Variants in SETD6 observed in about 807,000 individuals in gnomAD.
SETD6 encodes the protein N-lysine methyltransferase SETD6.
Under a neutral mutation model 52.7 loss-of-function variants are expected in SETD6, and 67 were observed. That is an observed-to-expected ratio of 1.27 (90% CI 1.04 to 1.56). The LOEUF is 1.56. SETD6 is among the 40% of genes most tolerant of loss of function. The pLI is 0.00. For missense variants in SETD6, 712 were observed against 607.5 expected (o/e 1.17, Z -1.81); for synonymous variants, 307 against 250.2 (o/e 1.23, Z -2.14).
chr16:58,515,560 C>T lies in SETD6; in HGVS notation c.23C>T (p.Pro8Leu), dbSNP rs1309318825. The T allele has an allele frequency of 1.9e-6, 3 of 1,586,958 alleles. No homozygotes were observed. Among genetic ancestry groups the T allele is most frequent in the Non-Finnish European group, 2.6e-6 (3 of 1,170,892 alleles). ...ACCATGGCGACCCAGGCGAAGCGTCCACGGGTGAGTGGCGGGCGCGGGGTC... is the reference window on the plus strand; with the variant it reads ...ACCATGGCGACCCAGGCGAAGCGTCTACGGGTGAGTGGCGGGCGCGGGGTC... MATQAKR[P>L]RVAGPVDGGD... Residue 8 changes from proline (P) to leucine (L), a missense_variant, in exon 1 of 8, where the codon CCA (proline) becomes CTA (leucine). Coordinates refer to ENST00000219315, the MANE Select transcript of SETD6 (RefSeq NM_001160305.4).
In SETD6 at chr16:58,522,555, A is replaced by AGTGTGT. The variant is rs10701404; in HGVS notation, c.*3537_*3542dup. Among the ~76,000 whole-genome samples, 3 of 151,500 alleles carry AGTGTGT rather than the reference A, an allele frequency of 2.0e-5. No individual in the cohort carries two copies. Among genetic ancestry groups the AGTGTGT allele is most frequent in the South Asian group, 2.1e-4 (1 of 4,798 alleles). On this transcript the variant is annotated 3_prime_UTR_variant, in exon 8 of 8. Transcript: ENST00000219315. ...TTTAAGAGTCTGGCCCAATTTTTAAAGTGTGTGTGTGTGTGTATCACAATC... is the reference window on the plus strand; with the variant it reads ...TTTAAGAGTCTGGCCCAATTTTTAAAGTGTGTGTGTGTGTGTGTGTGTATCACAATC...
In SETD6 at chr16:58,518,748, T is replaced by C; in HGVS notation, c.1141T>C (p.Phe381Leu). Residue 381 changes from phenylalanine to leucine, a missense_variant, in exon 8 of 8, where the codon TTC becomes CTC. Coordinates refer to ENST00000219315, the MANE Select transcript of SETD6 (RefSeq NM_001160305.4). Reference protein sequence around the residue: ...LKVLCMPAEEFRELKDQDGGG... With the variant: ...LKVLCMPAEELRELKDQDGGG... ...GGTACTGTGCATGCCTGCTGAGGAG[T>C]TCAGAGAGCTTAAAGACCAGGATGG... is the stretch of plus-strand genomic sequence containing the variant. The C allele has an allele frequency of 1.9e-6, 3 of 1,613,708 alleles. No individual in the cohort carries two copies. The highest frequency in any genetic ancestry group is 2.5e-6 in the Non-Finnish European group (3 of 1,179,938).
Position 58,515,792 on chromosome 16 carries a change from T to G in SETD6, c.29T>G (p.Val10Gly), listed in dbSNP as rs2039106262. The G allele has an allele frequency of 2.0e-6, 3 of 1,504,750 alleles. No individual in the cohort carries two copies. The highest frequency in any genetic ancestry group is 2.6e-6 in the Non-Finnish European group (3 of 1,136,112). The allele number at this position is 1,504,750 out of a possible 1,614,324, so 93.2% of individuals were successfully genotyped here. ...GGTCACTGCGCGCACTTATCTCAGG[T>G]GGCGGGGCCCGTGGACGGCGGCGAC... is the stretch of plus-strand genomic sequence containing the variant. MATQAKRPR[V>G]AGPVDGGDLD... is the part of the protein sequence containing the mutation. Residue 10 changes from valine to glycine, a missense_variant and splice_region_variant, in exon 2 of 8, where the codon GTG (valine) becomes GGG (glycine). Val to Gly is a moderately radical substitution (Grantham distance 109, BLOSUM62 -3). Coordinates refer to ENST00000219315, the MANE Select transcript of SETD6 (RefSeq NM_001160305.4).
rs2039397480 is a variant in SETD6 at position 58,522,005 on chromosome 16, C to G, written c.*2976C>G. On this transcript the variant is annotated 3_prime_UTR_variant, in exon 8 of 8. Transcript: ENST00000219315. ...AAGCTCACTCTCAATAAAAAGGAAA[C>G]AGAAAATAAGAATTAAGTATTCTAA... 6.6e-6 allele frequency among the ~76,000 whole-genome samples: 1 copy of G among 151,522 alleles called. No individual in the cohort carries two copies. Among genetic ancestry groups the G allele is most frequent in the Non-Finnish European group, 1.5e-5 (1 of 67,900 alleles).
intron 2 of SETD6, 49 bp from the exon 3 acceptor site, chr16:58,516,153 C>CCGGG: frequency 9.5e-7 from 1 of 1,051,522 alleles, no homozygotes; most frequent in Non-Finnish European, 1.2e-6. Flanking sequence ...GCGGGGCGGG[C>CCGGG]CCGGCCCGCG....
intron 5 of SETD6, 94 bp downstream of exon 5, chr16:58,517,022 G>A (rs753760336): frequency 1.2e-5 from 19 of 1,566,854 alleles, no homozygotes; most frequent in Non-Finnish European, 8.8e-7. Context: ...AAATGAGTAG[G>A]TGAAATCAGC....
At chr16:58,515,651 T>C in intron 1 of SETD6, 87 bp downstream of exon 1, 1 of 1,415,542 alleles carries the variant, frequency 7.1e-7, no homozygotes, top group Non-Finnish European at 9.2e-7. Flanking sequence ...CCCCCTCCGC[T>C]CCCTCCCGCG....
Position 58,523,289 on chromosome 16 carries a change from C to T in SETD6, c.*4260C>T, listed in dbSNP as rs951050502. 2.1e-6 allele frequency: 3 copies of T among 1,404,338 alleles called. No homozygotes were observed. In the South Asian group the frequency reaches 4.5e-5, roughly 21 times the overall value. The allele number at this position is 1,404,338 out of a possible 1,614,324, so 87.0% of individuals were successfully genotyped here. ...CAACCAAACGGATTTTCACTGAACA[C>T]TGAAAGCATAAAGAGGAAAAAAAAA... On this transcript the variant is annotated 3_prime_UTR_variant, in exon 8 of 8. Transcript: ENST00000219315.
chr16:58,521,167 ATTACT>A lies in SETD6; in HGVS notation c.*2141_*2145del. On this transcript the variant is annotated 3_prime_UTR_variant, in exon 8 of 8. Transcript: ENST00000219315. ...CAGTCTCATTCCTAGACAATTAAAA[ATTACT>A]TTGAACTCACTTTTCGATTTCTGGG... The A allele has an allele frequency of 6.2e-7, 1 of 1,612,974 alleles. No individual in the cohort carries two copies. Among genetic ancestry groups the A allele is most frequent in the Non-Finnish European group, 8.5e-7 (1 of 1,179,718 alleles).
intron 5 of SETD6, 25 bp downstream of exon 5, chr16:58,516,953 C>T (rs2039183843): frequency 6.2e-6 from 10 of 1,614,062 alleles, no homozygotes; most frequent in Non-Finnish European, 7.6e-6. Context: ...TCTTGGTGCA[C>T]TGATTGAGCA....
chr16:58,520,800 A>T lies in SETD6; in HGVS notation c.*1771A>T, dbSNP rs911686658. 29 of 717,074 alleles carry T rather than the reference A, an allele frequency of 4.0e-5. No homozygotes were observed. The South Asian group carries it at 5.3e-4, about 13-fold the overall frequency. The allele number at this position is 717,074 out of a possible 1,614,324, so 44.4% of individuals were successfully genotyped here. A position where few individuals can be genotyped will look rare whatever the true frequency, so the allele number is the denominator to read the frequency against. On this transcript the variant is annotated 3_prime_UTR_variant, in exon 8 of 8. Transcript: ENST00000219315. ...CATTTAAACTTTGGAACGTGCCCAC[A>T]TAAGACAGGAGGCTGATCCCAACAG... is the stretch of plus-strand genomic sequence containing the variant.
chr16:58,515,755 G>C (rs2039104026), intron 1 of SETD6, 36 bp from the exon 2 acceptor site: 2 of 1,432,562 alleles, frequency 1.4e-6, no homozygotes. Flanking sequence ...GGCCTCTCTG[G>C]GGGTCGGACC....
At position 58,521,185 on chromosome 16, in the gene SETD6, T is replaced by C. The variant is rs1440321266; in HGVS notation, c.*2156T>C. The C allele has an allele frequency of 6.2e-7, 1 of 1,613,192 alleles. No homozygotes were observed. The highest frequency in any genetic ancestry group is 2.2e-5 in the East Asian group (1 of 44,892). Reference sequence around the variant, plus strand: ...ATTAAAAATTACTTTGAACTCACTTTTCGATTTCTGGGGCACAGTGTACAA... The same window carrying C: ...ATTAAAAATTACTTTGAACTCACTTCTCGATTTCTGGGGCACAGTGTACAA... On this transcript the variant is annotated 3_prime_UTR_variant, in exon 8 of 8. Transcript: ENST00000219315.
chr16:58,523,549 C>G lies in SETD6; in HGVS notation c.*4520C>G. 2 of 1,592,982 alleles carry G rather than the reference C, an allele frequency of 1.3e-6. No individual in the cohort carries two copies. Among genetic ancestry groups the G allele is most frequent in the Non-Finnish European group, 1.7e-6 (2 of 1,165,090 alleles). On this transcript the variant is annotated 3_prime_UTR_variant, in exon 8 of 8. Coordinates refer to ENST00000219315, the MANE Select transcript of SETD6 (RefSeq NM_001160305.4). Reference sequence around the variant, plus strand: ...CTTAGGACTTAGTCTGAAAGGCCAACATGGGAAGACAGTTCTAACTGGCTA... The same window carrying G: ...CTTAGGACTTAGTCTGAAAGGCCAAGATGGGAAGACAGTTCTAACTGGCTA...
In SETD6 at chr16:58,523,287, C is replaced by T; in HGVS notation, c.*4258C>T. 1 of 1,387,630 alleles carries T rather than the reference C, an allele frequency of 7.2e-7. No individual in the cohort carries two copies. The highest frequency in any genetic ancestry group is 9.7e-7 in the Non-Finnish European group (1 of 1,034,988). 86.0% of individuals were successfully genotyped at this position (1,387,630 alleles called of 1,614,324 possible). On this transcript the variant is annotated 3_prime_UTR_variant, in exon 8 of 8. Transcript: ENST00000219315. ...ACCAACCAAACGGATTTTCACTGAA[C>T]ACTGAAAGCATAAAGAGGAAAAAAA... is the stretch of plus-strand genomic sequence containing the variant.
rs562872556 is a variant in SETD6, at chr16:58,519,577, G to C, written c.*548G>C. 6.6e-6 allele frequency: 1 copy of C among 151,640 alleles called. No homozygotes were observed. Among genetic ancestry groups the C allele is most frequent in the African/African-American group, 2.4e-5 (1 of 41,184 alleles). The allele number at this position is 151,640 out of a possible 1,614,324, so 9.4% of individuals were successfully genotyped here. A position where few individuals can be genotyped will look rare whatever the true frequency, so the allele number is the denominator to read the frequency against. ...TTTGTCCTCTCTGGCCATAAAACTT[G>C]ACAGTCATGAAAGGTAAGGCAAATT... On this transcript the variant is annotated 3_prime_UTR_variant, in exon 8 of 8. Coordinates refer to ENST00000219315, the MANE Select transcript of SETD6 (RefSeq NM_001160305.4).
In SETD6 at chr16:58,517,923, G is replaced by A. The variant is rs1362196131; in HGVS notation, c.793-128G>A. 12 of 1,164,384 alleles carry A rather than the reference G, an allele frequency of 1.0e-5. No homozygotes were observed. The Admixed American group carries it at 2.6e-4, about 25-fold the overall frequency. The allele number at this position is 1,164,384 out of a possible 1,614,324, so 72.1% of individuals were successfully genotyped here. A position where few individuals can be genotyped will look rare whatever the true frequency, so the allele number is the denominator to read the frequency against. ...TAGGGTCTAACAGGAACTAAAGGTA[G>A]AACTTTGGTAGTTAACAGCATCAGT... On this transcript the variant is annotated intron_variant, in intron 5 of 7. Coordinates refer to ENST00000219315, the MANE Select transcript of SETD6 (RefSeq NM_001160305.4).
Position 58,519,215 on chromosome 16 carries a change from C to A in SETD6, c.*186C>A. ...TGATGTGTTTTAGGATTGAGAACAG[C>A]AGACTTGGGAATCACTGCTAATTGT... On this transcript the variant is annotated 3_prime_UTR_variant, in exon 8 of 8. Coordinates refer to ENST00000219315, the MANE Select transcript of SETD6 (RefSeq NM_001160305.4). The A allele has an allele frequency of 3.4e-6, 2 of 594,960 alleles. No individual in the cohort carries two copies. Among genetic ancestry groups the A allele is most frequent in the Non-Finnish European group, 5.8e-6 (2 of 344,838 alleles). The allele number at this position is 594,960 out of a possible 1,614,324, so 36.9% of individuals were successfully genotyped here.
At chr16:58,518,000 A>T (rs760519652) in intron 5 of SETD6, 51 bp from the exon 6 acceptor site, 15 of 1,611,822 alleles carry the variant, frequency 9.3e-6, no homozygotes, top group South Asian at 4.4e-5. Context: ...AATAATCTTC[A>T]TGGGGCTGGC....
Sources: gnomAD v4.1 joint callset for allele counts (sites outside exome capture counted in the v4.1 genomes callset) on GRCh38, gnomAD v4.1.1 for gene constraint, MANE v1.5 for transcripts, NCBI Gene and HGNC (gene_info 2026-07-23, HGNC 2026-07-21) for gene names.